Variants in ELAPOR1 observed in about 807,000 individuals in gnomAD.
ELAPOR1 encodes the protein endosome/lysosome-associated apoptosis and autophagy regulator 1.
A neutral mutation model predicts 119.7 loss-of-function variants in ELAPOR1; 77 were observed. The observed-to-expected ratio is 0.64, with a 90% confidence interval of 0.54 to 0.78. The LOEUF (loss-of-function observed/expected upper bound fraction) is 0.78, where lower values mean the gene tolerates loss of function less well. ELAPOR1 is among the 30% of genes least tolerant of loss of function. The probability of loss-of-function intolerance (pLI) is 0.00; values close to 1 mark genes in which losing one functional copy is unlikely to be tolerated. For synonymous variants in ELAPOR1, 481 were observed against 487.2 expected, an observed-to-expected ratio of 0.99 and a Z score of 0.17; for missense variants, 1,115 against 1,270.4, an observed-to-expected ratio of 0.88 and a Z score of 1.86.
chr1:109,200,585 A>G (rs967840582), intron 20 of ELAPOR1, 150 bp from the exon 21 acceptor site: 7 of 711,894 alleles, frequency 9.8e-6, no homozygotes, highest in African/African-American at 8.9e-5. Flanking sequence ...GATTCCTTCT[A>G]TTACCCCAGC....
intron 3 of ELAPOR1, among the ~76,000 whole-genome samples, chr1:109,171,213 C>T (rs553633694): frequency 6.6e-5 from 10 of 152,214 alleles, no homozygotes; most frequent in African/African-American, 1.4e-4. Flanking sequence ...ATATAAAGCA[C>T]GTAGTTCAAT....
intron 5 of ELAPOR1, 30 bp downstream of exon 5, chr1:109,172,598 A>T (rs762796416): frequency 1.3e-6 from 2 of 1,572,362 alleles, no homozygotes; most frequent in East Asian, 4.5e-5. Context: ...TCTCCCAGAG[A>T]TCCCAGAAAA....
chr1:109,157,564 A>C (rs1302817150), intron 1 of ELAPOR1, among the ~76,000 whole-genome samples: 1 of 152,272 alleles, frequency 6.6e-6, no homozygotes, highest in Middle Eastern at 3.4e-3. Flanking sequence ...AACCTTATGA[A>C]TAGCCTGCAT....
intron 14 of ELAPOR1, among the ~76,000 whole-genome samples, chr1:109,194,164 G>T (rs1352909296): frequency 6.6e-6 from 1 of 152,212 alleles, no homozygotes; most frequent in Non-Finnish European, 1.5e-5. Context: ...TAAGGCTATA[G>T]AATTTGTCCA....
rs753258725 is a variant in ELAPOR1, at chr1:109,189,561, C to T, written c.1349-31C>T. The T allele has an allele frequency of 3.1e-6, 5 of 1,595,616 alleles. No homozygotes were observed. The South Asian group carries it at 5.5e-5, about 18-fold the overall frequency. ...CACATTTGCCTTGCACCCAAGAGCA[C>T]AAGGCATTAACTCTCCTCTTTCCTT... On this transcript the variant is annotated intron_variant, in intron 10 of 21. Coordinates refer to ENST00000369939, the MANE Select transcript of ELAPOR1 (RefSeq NM_020775.5).
rs1258111228 is a variant in ELAPOR1, at chr1:109,204,998, A to G, written c.*1986A>G. 1 of 152,218 alleles carries G rather than the reference A, an allele frequency of 6.6e-6. No homozygotes were observed. 9.4% of individuals were successfully genotyped at this position (152,218 alleles called of 1,614,324 possible). A position where few individuals can be genotyped will look rare whatever the true frequency, so the allele number is the denominator to read the frequency against. ...CAATTGCTTTGTGTGATAAAAAACTAAAGAGACTTCTGGTCCAATTTCTGG... is the reference window on the plus strand; with the variant it reads ...CAATTGCTTTGTGTGATAAAAAACTGAAGAGACTTCTGGTCCAATTTCTGG... On this transcript the variant is annotated 3_prime_UTR_variant, in exon 22 of 22. Coordinates refer to ENST00000369939, the MANE Select transcript of ELAPOR1 (RefSeq NM_020775.5).
intron 3 of ELAPOR1, among the ~76,000 whole-genome samples, chr1:109,166,952 C>G (rs1269186852): frequency 6.6e-6 from 1 of 152,178 alleles, no homozygotes; most frequent in Non-Finnish European, 1.5e-5. Context: ...TAAATCTTGT[C>G]TAAGCCAAGC....
In ELAPOR1 at chr1:109,192,661, C is replaced by T. The variant is rs950093933; in HGVS notation, c.1734C>T (p.Thr578=). The change falls in exon 14 of 22, where the codon ACC becomes ACT. Residue 578 remains threonine, a synonymous_variant. Transcript: ENST00000369939. ...DVAKIYSINV[T]NVMNGVASYC... is the part of the protein sequence containing the mutation. ...CCAAGATCTACTCCATCAATGTCACCAATGTTATGAATGGTGTGGCCTCCT... is the reference window on the plus strand; with the variant it reads ...CCAAGATCTACTCCATCAATGTCACTAATGTTATGAATGGTGTGGCCTCCT... 6.2e-7 allele frequency: 1 copy of T among 1,614,118 alleles called. No individual in the cohort carries two copies. Among genetic ancestry groups the T allele is most frequent in the Non-Finnish European group, 8.5e-7 (1 of 1,180,008 alleles).
In ELAPOR1 at chr1:109,191,743, C is replaced by CCTAG; in HGVS notation, c.1563_1564insCTAG (p.Asn522LeufsTer22). 1 of 1,614,182 alleles carries CCTAG rather than the reference C, an allele frequency of 6.2e-7. No homozygotes were observed. Among genetic ancestry groups the CCTAG allele is most frequent in the Non-Finnish European group, 8.5e-7 (1 of 1,180,016 alleles). On this transcript the variant is annotated frameshift_variant, in exon 13 of 22. Transcript: ENST00000369939. LOFTEE classifies it high-confidence loss of function. ...GGGTTCAGGGTGTGAATTCTAGGAC[C>CCTAG]AACACTCCTGTGGAGACGTGGAAAG...
In ELAPOR1 at chr1:109,188,315, T is replaced by C; in HGVS notation, c.1180T>C (p.Cys394Arg). 1 of 1,614,088 alleles carries C rather than the reference T, an allele frequency of 6.2e-7. No individual in the cohort carries two copies. The highest frequency in any genetic ancestry group is 2.2e-5 in the East Asian group (1 of 44,884). The change falls in exon 9 of 22, where the codon TGC becomes CGC. Residue 394 changes from cysteine (C) to arginine (R), a missense_variant. Transcript: ENST00000369939. ...CTTCTTCAAAACCAACAACAGCACC[T>C]GCCAGCCCTGCCCATATGGTTCCTA... ...PGFFKTNNST[C>R]QPCPYGSYSN...
At chr1:109,176,114 G>A (rs1424177916) in intron 7 of ELAPOR1, among the ~76,000 whole-genome samples, 2 of 152,160 alleles carry the variant, frequency 1.3e-5, no homozygotes, top group Non-Finnish European at 2.9e-5. Context: ...TAAGGGGACA[G>A]CAGGAAGCAG....
At position 109,114,281 on chromosome 1, in the gene ELAPOR1, G is replaced by A; in HGVS notation, c.98G>A (p.Gly33Glu). The A allele has an allele frequency of 6.2e-7, 1 of 1,600,684 alleles. No individual in the cohort carries two copies. Among genetic ancestry groups the A allele is most frequent in the Non-Finnish European group, 8.5e-7 (1 of 1,173,980 alleles). The change falls in exon 1 of 22, where the codon GGG becomes GAG. Residue 33 changes from glycine (G) to glutamate (E), a missense_variant. By Grantham distance (98) the Gly-to-Glu change is moderately conservative. Coordinates refer to ENST00000369939, the MANE Select transcript of ELAPOR1 (RefSeq NM_020775.5). ...CTGTGGCGGCTGCTGCTCTGGGCTG[G>A]GACCGCCTTCCAGGTGACCCAGGGA... ...PRLWRLLLWA[G>E]TAFQVTQGTG...
At chr1:109,198,503 T>C in intron 17 of ELAPOR1, 70 bp from the exon 18 acceptor site, 1 of 1,392,196 alleles carries the variant, frequency 7.2e-7, no homozygotes, top group Non-Finnish European at 1.0e-6. Context: ...CCATGCGGAT[T>C]TCTCTTGGTG....
At chr1:109,139,892 C>G (rs750976345) in intron 1 of ELAPOR1, among the ~76,000 whole-genome samples, 180 of 152,110 alleles carry the variant, frequency 1.2e-3, no homozygotes, top group Non-Finnish European at 2.2e-3. Flanking sequence ...CCACCTTACC[C>G]TCCCAAGTAG....
intron 1 of ELAPOR1, among the ~76,000 whole-genome samples, chr1:109,130,589 C>G (rs1371567350): frequency 1.3e-5 from 2 of 151,908 alleles, no homozygotes; most frequent in Non-Finnish European, 2.9e-5. Context: ...TCAAGTGATC[C>G]TGGCACCTCG....
At position 109,116,074 on chromosome 1, in the gene ELAPOR1, T is replaced by C. The variant is rs1233556706; in HGVS notation, c.153+1738T>C. Among the ~76,000 whole-genome samples, 8 of 152,328 alleles carry C rather than the reference T, an allele frequency of 5.3e-5. No individual in the cohort carries two copies. The East Asian group carries it at 1.5e-3, about 29-fold the overall frequency. ...GTCAACAATGGAAAATATGAGACATTTCAGAAATTAAGCACTTCTATTATC... is the reference window on the plus strand; with the variant it reads ...GTCAACAATGGAAAATATGAGACATCTCAGAAATTAAGCACTTCTATTATC... On this transcript the variant is annotated intron_variant, in intron 1 of 21. Coordinates refer to ENST00000369939, the MANE Select transcript of ELAPOR1 (RefSeq NM_020775.5).
At chr1:109,136,058 G>A (rs1228116172) in intron 1 of ELAPOR1, among the ~76,000 whole-genome samples, 1 of 152,152 alleles carries the variant, frequency 6.6e-6, no homozygotes, top group African/African-American at 2.4e-5. Context: ...GGAACAAAGA[G>A]CTATGCTTCT....
chr1:109,136,763 C>T lies in ELAPOR1; in HGVS notation c.153+22427C>T, dbSNP rs181108297. ...TTTAAACCTCTCAGTTAGCAACAGCCTCTGACCGTGTGTCCATCTATCAGG... is the reference window on the plus strand; with the variant it reads ...TTTAAACCTCTCAGTTAGCAACAGCTTCTGACCGTGTGTCCATCTATCAGG... On this transcript the variant is annotated intron_variant, in intron 1 of 21. Transcript: ENST00000369939. Among the ~76,000 whole-genome samples, 5 of 152,326 alleles carry T rather than the reference C, an allele frequency of 3.3e-5. No individual in the cohort carries two copies. The East Asian group carries it at 9.6e-4, about 29-fold the overall frequency.
chr1:109,164,832 C>A, intron 3 of ELAPOR1, 141 bp downstream of exon 3: 1 of 777,698 alleles, frequency 1.3e-6, no homozygotes, highest in Non-Finnish European at 2.0e-6. Context: ...AGGGTGAGGC[C>A]TGCAGCTGTG....
Sources: gnomAD v4.1 joint callset for allele counts (sites outside exome capture counted in the v4.1 genomes callset) on GRCh38, gnomAD v4.1.1 for gene constraint, MANE v1.5 for transcripts, NCBI Gene and HGNC (gene_info 2026-07-23, HGNC 2026-07-21) for gene names.